TAOK1: variants seen among roughly 807,000 people sequenced by gnomAD.
TAOK1 encodes serine/threonine-protein kinase TAO1.
A neutral mutation model predicts 138.3 loss-of-function variants in TAOK1; 21 were observed. That is an observed-to-expected ratio of 0.15 (90% CI 0.11 to 0.22). The LOEUF (loss-of-function observed/expected upper bound fraction) is 0.22. TAOK1 is among the 10% of genes least tolerant of loss of function. The pLI is 1.00. For synonymous variants in TAOK1, 361 were observed against 398.4 expected (o/e 0.91, Z 1.12); for missense variants, 651 against 1,227.7 (o/e 0.53, Z 7.02).
intron 1 of TAOK1, among the ~76,000 whole-genome samples, chr17:29,400,404 A>AC (rs1399482954): frequency 6.6e-6 from 1 of 151,756 alleles, no homozygotes; most frequent in African/African-American, 2.4e-5. Flanking sequence ...AAAAAAAAAA[A>AC]AAAACAACAA....
At chr17:29,397,635 T>TACATTCATGTATG (rs1904665733) in intron 1 of TAOK1, among the ~76,000 whole-genome samples, 1 of 68,274 alleles carries the variant, frequency 1.5e-5, no homozygotes, top group Non-Finnish European at 3.1e-5. Flanking sequence ...TATATACATG[T>TACATTCATGTATG]ATACATGTAT....
intron 16 of TAOK1, among the ~76,000 whole-genome samples, chr17:29,519,851 C>G (rs2150766178): frequency 6.6e-6 from 1 of 152,220 alleles, no homozygotes; most frequent in East Asian, 1.9e-4. Flanking sequence ...GAACTCTGTC[C>G]TACAGAAATA....
chr17:29,524,965 AC>A (rs2031983808), intron 17 of TAOK1, among the ~76,000 whole-genome samples: 1 of 152,168 alleles, frequency 6.6e-6, no homozygotes, highest in Non-Finnish European at 1.5e-5. Flanking sequence ...CTTGAGTCAC[AC>A]ATTGAGGGAT....
intron 12 of TAOK1, among the ~76,000 whole-genome samples, chr17:29,501,624 G>A (rs1362913071): frequency 2.0e-5 from 3 of 152,078 alleles, no homozygotes; most frequent in African/African-American, 7.2e-5. Flanking sequence ...GAGCCTTTGA[G>A]CAATTAATTT....
At position 29,542,646 on chromosome 17, in the gene TAOK1, C is replaced by T; in HGVS notation, c.2630C>T (p.Ala877Val). Residue 877 changes from alanine (A) to valine (V), a missense_variant, in exon 20 of 20, where the codon GCT becomes GTT. Ala to Val is a moderately conservative substitution (Grantham distance 64). Transcript: ENST00000261716. The stretch of plus-strand genomic sequence containing the variant: ...GAACGTCAAGCCAGAGAGATTGAAG[C>T]TTTTGACTCTGAAAGCATGAGACTA... ...LLERQAREIE[A>V]FDSESMRLGF... 6.2e-7 allele frequency: 1 copy of T among 1,614,252 alleles called. No homozygotes were observed. The highest frequency in any genetic ancestry group is 8.5e-7 in the Non-Finnish European group (1 of 1,180,056).
chr17:29,465,725 A>G (rs917672007), intron 2 of TAOK1, among the ~76,000 whole-genome samples: 1 of 149,624 alleles, frequency 6.7e-6, no homozygotes, highest in Non-Finnish European at 1.5e-5. Context: ...TATTAAACTC[A>G]TTTTAAATAT....
intron 1 of TAOK1, among the ~76,000 whole-genome samples, chr17:29,401,709 C>G (rs898333140): frequency 6.6e-6 from 1 of 151,834 alleles, no homozygotes; most frequent in East Asian, 1.9e-4. Flanking sequence ...GGCTGGAGTG[C>G]AGTGGGGTGA....
At chr17:29,477,149 T>A (rs993091609) in intron 4 of TAOK1, among the ~76,000 whole-genome samples, 1 of 152,228 alleles carries the variant, frequency 6.6e-6, no homozygotes, top group East Asian at 1.9e-4. Context: ...CCAGCCAATT[T>A]TTTTATTTTT....
At chr17:29,431,803 ATTTTT>A (rs71360705) in intron 1 of TAOK1, among the ~76,000 whole-genome samples, 1 of 113,058 alleles carries the variant, frequency 8.8e-6, no homozygotes, top group Non-Finnish European at 1.7e-5. Context: ...TGCCTGGCTA[ATTTTT>A]TTTTTTTTTT....
At chr17:29,517,724 C>A in intron 16 of TAOK1, 68 bp downstream of exon 16, 1 of 1,446,984 alleles carries the variant, frequency 6.9e-7, no homozygotes, top group Non-Finnish European at 9.4e-7. Flanking sequence ...TATTCCAATT[C>A]CATTCTAGTC....
chr17:29,392,822 T>G (rs1372008020), intron 1 of TAOK1, among the ~76,000 whole-genome samples: 1 of 152,224 alleles, frequency 6.6e-6, no homozygotes. Context: ...CATTTTATGT[T>G]GTCATTAAAT....
intron 13 of TAOK1, among the ~76,000 whole-genome samples, chr17:29,504,290 A>AG (rs1225862582): frequency 2.0e-5 from 3 of 148,748 alleles, no homozygotes; most frequent in East Asian, 2.0e-4. Context: ...AAAAAAAAAA[A>AG]AAAAAAAAGG....
At chr17:29,454,576 G>A (rs9897452) in intron 2 of TAOK1, among the ~76,000 whole-genome samples, 98,165 of 152,010 alleles carry the variant, frequency 0.65, 33,563 homozygotes, top group East Asian at 0.97. Context: ...TAAGTCTTCT[G>A]ATCCATGAAC....
At chr17:29,472,437 G>A (rs527359373) in intron 3 of TAOK1, among the ~76,000 whole-genome samples, 1 of 152,072 alleles carries the variant, frequency 6.6e-6, no homozygotes, top group South Asian at 2.1e-4. Context: ...ATTATTAGTA[G>A]AGACAGGGTT....
chr17:29,502,533 A>G, intron 12 of TAOK1, 56 bp from the exon 13 acceptor site: 4 of 1,538,006 alleles, frequency 2.6e-6, no homozygotes, highest in Non-Finnish European at 3.5e-6. Context: ...AATTTCCATA[A>G]AGATTCAAAC....
intron 1 of TAOK1, among the ~76,000 whole-genome samples, chr17:29,407,369 T>C (rs1285307739): frequency 2.0e-5 from 3 of 152,156 alleles, no homozygotes; most frequent in Non-Finnish European, 4.4e-5. Context: ...ACAATGCTCT[T>C]CTCTGTCTCC....
At chr17:29,523,789 A>G (rs2031962467) in intron 17 of TAOK1, among the ~76,000 whole-genome samples, 1 of 152,296 alleles carries the variant, frequency 6.6e-6, no homozygotes, top group South Asian at 2.1e-4. Flanking sequence ...ATTTATATTC[A>G]GTAAGGTCCA....
intron 15 of TAOK1, among the ~76,000 whole-genome samples, chr17:29,516,964 A>G (rs2153030327): frequency 6.6e-6 from 1 of 151,408 alleles, no homozygotes; most frequent in South Asian, 2.1e-4. Context: ...CTGGGAGTAC[A>G]GGCCCATGCC....
Position 29,495,598 on chromosome 17 carries a change from A to G in TAOK1, c.870A>G (p.Leu290=). ...TTCGGGAGCGCCCTGAAACCGTGTTAATAGATCTCATTCAGAGGACAAAGG... is the reference window on the plus strand; with the variant it reads ...TTCGGGAGCGCCCTGAAACCGTGTTGATAGATCTCATTCAGAGGACAAAGG... ...FVLRERPETV[L]IDLIQRTKDA... Residue 290 remains leucine, a synonymous_variant, in exon 11 of 20, where the codon TTA becomes TTG. Transcript: ENST00000261716. 6.2e-7 allele frequency: 1 copy of G among 1,610,994 alleles called. No individual in the cohort carries two copies. The highest frequency in any genetic ancestry group is 1.1e-5 in the South Asian group (1 of 90,608).
Sources: gnomAD v4.1 joint callset for allele counts (sites outside exome capture counted in the v4.1 genomes callset) on GRCh38, gnomAD v4.1.1 for gene constraint, MANE v1.5 for transcripts, NCBI Gene and HGNC (gene_info 2026-07-23, HGNC 2026-07-21) for gene names.